Variants in ELAVL1 observed in about 807,000 individuals in gnomAD.
The protein encoded by ELAVL1 is ELAV-like protein 1.
In ELAVL1, 1 loss-of-function variant was observed where a neutral mutation model predicts 28.4. That is an observed-to-expected ratio of 0.04 (90% CI 0.01 to 0.17). The LOEUF is 0.17. ELAVL1 is among the 10% of genes least tolerant of loss of function. ELAVL1 has a pLI of 1.00. For synonymous variants in ELAVL1, 174 were observed against 183.5 expected, an observed-to-expected ratio of 0.95 and a Z score of 0.42; for missense variants, 157 against 447.2, an observed-to-expected ratio of 0.35 and a Z score of 5.85.
chr19:7,961,105 CACAG>C lies in ELAVL1; in HGVS notation c.*2374_*2377del, dbSNP rs1295903580. 5 of 152,260 alleles carry C rather than the reference CACAG, an allele frequency of 3.3e-5. No homozygotes were observed. The highest frequency in any genetic ancestry group is 7.3e-5 in the Non-Finnish European group (5 of 68,056). 9.4% of individuals were successfully genotyped at this position (152,260 alleles called of 1,614,324 possible). A position where few individuals can be genotyped will look rare whatever the true frequency, so the allele number is the denominator to read the frequency against. On this transcript the variant is annotated 3_prime_UTR_variant, in exon 6 of 6. Transcript: ENST00000407627. ...GGAACTTTCAAAGGCTCATATACTT[CACAG>C]TTTCTTCTCACCTGTCCCAGCATCA... is the stretch of plus-strand genomic sequence containing the variant.
At chr19:7,990,889 T>C (rs1985733739) in intron 2 of ELAVL1, among the ~76,000 whole-genome samples, 1 of 152,202 alleles carries the variant, frequency 6.6e-6, no homozygotes, top group South Asian at 2.1e-4. Context: ...TCCCGAGTCC[T>C]TGAAGCCATG....
intron 3 of ELAVL1, among the ~76,000 whole-genome samples, chr19:7,980,444 C>G (rs542059529): frequency 2.1e-3 from 313 of 152,252 alleles, no homozygotes; most frequent in Non-Finnish European, 3.6e-3. Context: ...CCCCAGTGCA[C>G]GAGAGCGCGG....
intron 1 of ELAVL1, among the ~76,000 whole-genome samples, chr19:7,992,474 A>T (rs2145223533): frequency 6.6e-6 from 1 of 152,280 alleles, no homozygotes; most frequent in East Asian, 1.9e-4. Flanking sequence ...CATTTAAAGG[A>T]ACTTTAAATG....
intron 3 of ELAVL1, among the ~76,000 whole-genome samples, chr19:7,980,420 C>A (rs892567430): frequency 1.3e-5 from 2 of 152,126 alleles, no homozygotes; most frequent in Non-Finnish European, 2.9e-5. Context: ...GTAAGTGGGG[C>A]TCGGGGTTGA....
chr19:7,966,414 C>T (rs1029247237), intron 5 of ELAVL1, among the ~76,000 whole-genome samples: 43 of 152,062 alleles, frequency 2.8e-4, no homozygotes, highest in African/African-American at 9.7e-4. Flanking sequence ...CTAAGGAATC[C>T]GGGAAAACTC....
chr19:7,976,656 C>T (rs747097225), intron 3 of ELAVL1, among the ~76,000 whole-genome samples: 3 of 152,080 alleles, frequency 2.0e-5, no homozygotes, highest in Non-Finnish European at 4.4e-5. Flanking sequence ...GGCTTCCAGC[C>T]TCCAGAACTG....
At chr19:8,002,283 G>A (rs1410197074) in intron 1 of ELAVL1, 2 of 447,462 alleles carry the variant, frequency 4.5e-6, no homozygotes, top group Non-Finnish European at 4.1e-6. Context: ...TCTCCTCCAG[G>A]AAGCATTCTG....
chr19:7,987,585 T>C (rs1202142348), intron 2 of ELAVL1, among the ~76,000 whole-genome samples: 1 of 152,188 alleles, frequency 6.6e-6, no homozygotes, highest in African/African-American at 2.4e-5. Context: ...CCAGCCATCA[T>C]CACGCCCCTC....
rs1984798464 is a variant in ELAVL1 at position 7,961,259 on chromosome 19, T to G, written c.*2224A>C. On this transcript the variant is annotated 3_prime_UTR_variant, in exon 6 of 6. Transcript: ENST00000407627. The stretch of plus-strand genomic sequence containing the variant: ...CTGTTGAATGCTAGCTATGGGCATG[T>G]GTGGGAGTGAGACTCCAGGGGGAGT... 6.6e-6 allele frequency: 1 copy of G among 152,280 alleles called. No individual in the cohort carries two copies. Among genetic ancestry groups the G allele is most frequent in the South Asian group, 2.1e-4 (1 of 4,836 alleles). The allele number at this position is 152,280 out of a possible 1,614,324, so 9.4% of individuals were successfully genotyped here.
chr19:7,983,699 TCA>T (rs1985525705), intron 2 of ELAVL1, among the ~76,000 whole-genome samples: 1 of 152,084 alleles, frequency 6.6e-6, no homozygotes, highest in African/African-American at 2.4e-5. Flanking sequence ...CTTGAGAAAG[TCA>T]CACACTGATA....
At chr19:7,973,317 G>A (rs955723891) in intron 4 of ELAVL1, 3 of 239,902 alleles carry the variant, frequency 1.3e-5, no homozygotes, top group East Asian at 7.8e-5. Flanking sequence ...TGCAACCTCC[G>A]CTTCCCGGGT....
intron 3 of ELAVL1, among the ~76,000 whole-genome samples, chr19:7,980,785 G>GGGCA (rs1254925003): frequency 6.6e-6 from 1 of 152,208 alleles, no homozygotes; most frequent in Admixed American, 6.5e-5. Context: ...AGGGAGCACT[G>GGGCA]GGCAGGCTGG....
chr19:7,981,374 A>G lies in ELAVL1; in HGVS notation c.173-188T>C, dbSNP rs1189249436. Among the ~76,000 whole-genome samples, 5 of 148,912 alleles carry G rather than the reference A, an allele frequency of 3.4e-5. No individual in the cohort carries two copies. The East Asian group carries it at 9.8e-4, about 29-fold the overall frequency. ...AGGTTCCTTTTTTTTTTTTTTTTTA[A>G]AGAGATAGGATCTTGCTCTGTCACC... On this transcript the variant is annotated intron_variant, in intron 2 of 5. Transcript: ENST00000407627. This position sits in a 1 kb window ranked among gnomAD's most constrained non-coding sequence, Gnocchi z 4.2.
intron 4 of ELAVL1, among the ~76,000 whole-genome samples, chr19:7,972,141 G>C (rs1985130961): frequency 1.3e-5 from 2 of 152,256 alleles, no homozygotes; most frequent in South Asian, 4.1e-4. Context: ...GGCCTCACTA[G>C]GCTCAGGGAG....
intron 1 of ELAVL1, among the ~76,000 whole-genome samples, chr19:7,994,296 G>A (rs1367104629): frequency 6.6e-6 from 1 of 151,988 alleles, no homozygotes; most frequent in African/African-American, 2.4e-5. Flanking sequence ...AGGGCCAGGG[G>A]TCGGGGGAGG....
intron 1 of ELAVL1, among the ~76,000 whole-genome samples, chr19:8,001,799 C>T (rs976055773): frequency 2.9e-4 from 44 of 152,132 alleles, no homozygotes; most frequent in Admixed American, 2.6e-3. Context: ...TGGATCCAGT[C>T]GCTTCTGAGT....
In ELAVL1 at chr19:7,982,235, A is replaced by C. The variant is rs1985484369; in HGVS notation, c.173-1049T>G. Among the ~76,000 whole-genome samples, 1 of 152,202 alleles carries C rather than the reference A, an allele frequency of 6.6e-6. No individual in the cohort carries two copies. The highest frequency in any genetic ancestry group is 2.1e-4 in the South Asian group (1 of 4,832). Reference sequence around the variant, plus strand: ...GGCCAAATGCTCTCACTAAAGGGGAAGTGAGGAGGCACAGGGAAGAGCGCA... The same window carrying C: ...GGCCAAATGCTCTCACTAAAGGGGACGTGAGGAGGCACAGGGAAGAGCGCA... On this transcript the variant is annotated intron_variant, in intron 2 of 5. Coordinates refer to ENST00000407627, the MANE Select transcript of ELAVL1 (RefSeq NM_001419.3). The surrounding 1 kb of genome is among the most constrained non-coding windows in gnomAD (Gnocchi z 4.3).
At position 7,962,460 on chromosome 19, in the gene ELAVL1, A is replaced by G. The variant is rs954657610; in HGVS notation, c.*1023T>C. 2.0e-5 allele frequency: 3 copies of G among 152,678 alleles called. No individual in the cohort carries two copies. Among genetic ancestry groups the G allele is most frequent in the Non-Finnish European group, 2.9e-5 (2 of 68,042 alleles). 9.5% of individuals were successfully genotyped at this position (152,678 alleles called of 1,614,324 possible). A position where few individuals can be genotyped will look rare whatever the true frequency, so the allele number is the denominator to read the frequency against. On this transcript the variant is annotated 3_prime_UTR_variant, in exon 6 of 6. Transcript: ENST00000407627. ...GGTTTTGGTTAATAGATAACTGGCA[A>G]GAAGTAAGTACTTTTCTGCTGAGTG...
Position 7,982,648 on chromosome 19 carries a change from G to A in ELAVL1, c.173-1462C>T, listed in dbSNP as rs1373442378. On this transcript the variant is annotated intron_variant, in intron 2 of 5. Coordinates refer to ENST00000407627, the MANE Select transcript of ELAVL1 (RefSeq NM_001419.3). This position sits in a 1 kb window ranked among gnomAD's most constrained non-coding sequence, Gnocchi z 4.3. ...CCACCGCAAGTGAGTATGAAATGCT[G>A]GTGACGATGAATGTTCCCATTACCT... 3.3e-5 allele frequency among the ~76,000 whole-genome samples: 5 copies of A among 152,166 alleles called. No homozygotes were observed. Among genetic ancestry groups the A allele is most frequent in the Non-Finnish European group, 7.3e-5 (5 of 68,030 alleles).
Sources: gnomAD v4.1 joint callset for allele counts (sites outside exome capture counted in the v4.1 genomes callset) on GRCh38, gnomAD v4.1.1 for gene constraint, Gnocchi (gnomAD v3.1) non-coding constraint, MANE v1.5 for transcripts, NCBI Gene and HGNC (gene_info 2026-07-23, HGNC 2026-07-21) for gene names.